Variants in EPHA5 observed in about 807,000 individuals in gnomAD.
EPHA5 encodes EPH receptor A5, also known as ephrin type-A receptor 5.
Under a neutral mutation model 105.0 loss-of-function variants are expected in EPHA5, and 60 were observed. The ratio of observed to expected loss-of-function variants is 0.57; its 90% CI spans 0.46 to 0.71. EPHA5 has a LOEUF of 0.71. Among genes scored for constraint, EPHA5 ranks in the 30% least tolerant of loss-of-function variants. EPHA5 has a pLI of 0.00. For synonymous variants in EPHA5, 513 were observed against 449.1 expected (o/e 1.14, Z -1.80); for missense variants, 1,218 against 1,274.7 (o/e 0.96, Z 0.68).
At chr4:65,421,700 T>C (rs1723960758) in intron 5 of EPHA5, among the ~76,000 whole-genome samples, 1 of 152,160 alleles carries the variant, frequency 6.6e-6, no homozygotes, top group South Asian at 2.1e-4. Flanking sequence ...ACCACCTTGC[T>C]ATTCATAAAT....
Position 65,500,557 on chromosome 4 carries a change from A to T in EPHA5, c.911-5014T>A, listed in dbSNP as rs562553250. On this transcript the variant is annotated intron_variant, in intron 3 of 16. Transcript: ENST00000613740. The stretch of plus-strand genomic sequence containing the variant: ...ATTCTCAAAATTACCAAAAAAAAAA[A>T]TTAAACTGACAAATTGCATCGATTT... Among the ~76,000 whole-genome samples the T allele has an allele frequency of 1.0e-3, 153 of 150,704 alleles. 1 individual carries two copies. Among genetic ancestry groups the T allele is most frequent in the Admixed American group, 4.0e-3 (61 of 15,070 alleles).
chr4:65,479,836 C>T (rs184938530), intron 5 of EPHA5, among the ~76,000 whole-genome samples: 11 of 151,856 alleles, frequency 7.2e-5, no homozygotes, highest in African/African-American at 9.7e-5. Flanking sequence ...AAAACATATG[C>T]GTATGATTTT....
At chr4:65,619,399 T>C (rs1745519671) in intron 2 of EPHA5, among the ~76,000 whole-genome samples, 1 of 152,162 alleles carries the variant, frequency 6.6e-6, no homozygotes. Context: ...TTTTTAAAAA[T>C]ATGGACTTTT....
intron 3 of EPHA5, among the ~76,000 whole-genome samples, chr4:65,504,973 T>C (rs1342496372): frequency 1.3e-5 from 2 of 152,014 alleles, no homozygotes; most frequent in African/African-American, 4.8e-5. Context: ...CCCAAACAAA[T>C]AAATGTGAAT....
chr4:65,598,478 CT>C (rs2149430821), intron 3 of EPHA5, among the ~76,000 whole-genome samples: 1 of 152,202 alleles, frequency 6.6e-6, no homozygotes, highest in East Asian at 1.9e-4. Flanking sequence ...TGCTTTTTGA[CT>C]TCTTTCTCAT....
chr4:65,536,985 G>A (rs1560664850), intron 3 of EPHA5, among the ~76,000 whole-genome samples: 1 of 151,722 alleles, frequency 6.6e-6, no homozygotes, highest in South Asian at 2.1e-4. Flanking sequence ...AATGGTAGAT[G>A]AATTAATCAT....
chr4:65,333,613 CTTTTT>C (rs778146562), intron 15 of EPHA5, among the ~76,000 whole-genome samples: 1 of 79,188 alleles, frequency 1.3e-5, no homozygotes, highest in Non-Finnish European at 2.4e-5. Flanking sequence ...GCCTGCTAGT[CTTTTT>C]TTTTTTTTTT....
chr4:65,585,598 A>G (rs951462285), intron 3 of EPHA5, among the ~76,000 whole-genome samples: 1 of 151,950 alleles, frequency 6.6e-6, no homozygotes, highest in Non-Finnish European at 1.5e-5. Flanking sequence ...TTTTGTTTCC[A>G]AGAACAAAGC....
intron 3 of EPHA5, among the ~76,000 whole-genome samples, chr4:65,566,166 G>T (rs942172200): frequency 2.0e-5 from 3 of 151,736 alleles, no homozygotes; most frequent in Admixed American, 6.6e-5. Context: ...TGTGTAACGT[G>T]AAAAACAATG....
In EPHA5 at chr4:65,347,350, T is replaced by C. The variant is rs760886168; in HGVS notation, c.2595+704A>G. Among the ~76,000 whole-genome samples, 44 of 152,142 alleles carry C rather than the reference T, an allele frequency of 2.9e-4. 1 individual carries two copies. Among genetic ancestry groups the C allele is most frequent in the Admixed American group, 2.9e-3 (44 of 15,280 alleles). The stretch of plus-strand genomic sequence containing the variant: ...TAATTGTTGTTTCTCAAAATAAAAA[T>C]ATGAAATTTCCATATGATCCAAAAT... On this transcript the variant is annotated intron_variant, in intron 14 of 16. Transcript: ENST00000613740.
At chr4:65,459,160 G>A (rs1468317350) in intron 5 of EPHA5, among the ~76,000 whole-genome samples, 3 of 152,056 alleles carry the variant, frequency 2.0e-5, no homozygotes, top group African/African-American at 7.2e-5. Flanking sequence ...AGGGATGTAA[G>A]GACCATACTC....
chr4:65,514,565 CTGACACCT>C (rs1733921614), intron 3 of EPHA5, among the ~76,000 whole-genome samples: 1 of 152,138 alleles, frequency 6.6e-6, no homozygotes, highest in African/African-American at 2.4e-5. Context: ...GTTGCCTCAG[CTGACACCT>C]TGTGGAACAG....
intron 13 of EPHA5, among the ~76,000 whole-genome samples, chr4:65,350,614 T>C (rs1385743904): frequency 6.6e-6 from 1 of 152,078 alleles, no homozygotes; most frequent in Non-Finnish European, 1.5e-5. Context: ...TCATAAGGAA[T>C]TCAAACTCAA....
intron 5 of EPHA5, among the ~76,000 whole-genome samples, chr4:65,461,410 A>G (rs957968333): frequency 6.6e-6 from 1 of 152,048 alleles, no homozygotes; most frequent in Non-Finnish European, 1.5e-5. Flanking sequence ...AAATCTAAAT[A>G]TGTAATGTTG....
intron 2 of EPHA5, among the ~76,000 whole-genome samples, chr4:65,606,399 T>A (rs546238668): frequency 1.3e-5 from 2 of 152,216 alleles, no homozygotes; most frequent in Non-Finnish European, 2.9e-5. Flanking sequence ...AATAAATAGT[T>A]AAATGTTTTG....
At chr4:65,602,966 T>A (rs1226544770) in intron 2 of EPHA5, among the ~76,000 whole-genome samples, 1 of 152,068 alleles carries the variant, frequency 6.6e-6, no homozygotes, top group East Asian at 1.9e-4. Flanking sequence ...TCTACATATA[T>A]AAACATGGAG....
At chr4:65,541,688 T>A (rs1015880494) in intron 3 of EPHA5, among the ~76,000 whole-genome samples, 2 of 151,936 alleles carry the variant, frequency 1.3e-5, no homozygotes, top group South Asian at 2.1e-4. Flanking sequence ...ATTGGACAGA[T>A]AAATCAGACA....
chr4:65,567,329 A>G (rs1001726455), intron 3 of EPHA5, among the ~76,000 whole-genome samples: 10 of 151,648 alleles, frequency 6.6e-5, no homozygotes, highest in African/African-American at 2.4e-4. Context: ...TCTAAGTTTT[A>G]ATACTTGGTC....
chr4:65,528,468 A>T (rs1027380979), intron 3 of EPHA5, among the ~76,000 whole-genome samples: 1 of 152,082 alleles, frequency 6.6e-6, no homozygotes, highest in Admixed American at 6.6e-5. Context: ...AAGAGAAAAA[A>T]AAAGTCGTTA....
Sources: allele counts gnomAD v4.1 joint callset (sites outside exome capture counted in the v4.1 genomes callset), GRCh38; gene constraint gnomAD v4.1.1; transcripts MANE v1.5; gene names NCBI Gene and HGNC (gene_info 2026-07-23, HGNC 2026-07-21).